Variants in MAP3K19 observed in about 807,000 individuals in gnomAD.
The protein encoded by MAP3K19 is mitogen-activated protein kinase kinase kinase 19.
A neutral mutation model predicts 114.4 loss-of-function variants in MAP3K19; 91 were observed. That is an observed-to-expected ratio of 0.80 (90% confidence interval 0.67 to 0.95). The LOEUF (loss-of-function observed/expected upper bound fraction) is 0.95. Ranked by LOEUF, MAP3K19 falls within the 40% of genes least tolerant of loss-of-function variation. The pLI is 0.00. For synonymous variants in MAP3K19, 518 were observed against 530.5 expected, an observed-to-expected ratio of 0.98 and a Z score of 0.32; for missense variants, 1,471 against 1,573.2, an observed-to-expected ratio of 0.94 and a Z score of 1.10.
chr2:134,986,446 A>G lies in MAP3K19; in HGVS notation c.2426T>C (p.Ile809Thr), dbSNP rs761136736. 30 of 1,613,962 alleles carry G rather than the reference A, an allele frequency of 1.9e-5. No individual in the cohort carries two copies. The Middle Eastern group carries it at 6.6e-4, about 35-fold the overall frequency. ...NEFPPVSDLS[I>T]VEEVSMEEST... ...CTCTTCCATAGAAACTTCTTCAACAATGGATAAATCTGAGACAGGAGGGAA... is the reference window on the plus strand; with the variant it reads ...CTCTTCCATAGAAACTTCTTCAACAGTGGATAAATCTGAGACAGGAGGGAA... The change falls in exon 10 of 13, where the codon ATT becomes ACT. Residue 809 changes from isoleucine to threonine, a missense_variant. By Grantham distance (89) the Ile-to-Thr change is moderately conservative. Transcript: ENST00000392915.
At chr2:134,994,878 C>T (rs1463950847) in intron 8 of MAP3K19, among the ~76,000 whole-genome samples, 1 of 152,066 alleles carries the variant, frequency 6.6e-6, no homozygotes, top group Non-Finnish European at 1.5e-5. Context: ...CCAATATGAA[C>T]ATACAGAGAA....
chr2:135,010,813 T>G (rs1189479926), intron 5 of MAP3K19, among the ~76,000 whole-genome samples: 1 of 152,044 alleles, frequency 6.6e-6, no homozygotes, highest in Non-Finnish European at 1.5e-5. Flanking sequence ...AATTTTTTTG[T>G]AGAGACAAAG....
intron 5 of MAP3K19, among the ~76,000 whole-genome samples, chr2:135,009,468 C>A (rs1328965870): frequency 1.3e-5 from 2 of 152,048 alleles, no homozygotes; most frequent in Non-Finnish European, 2.9e-5. Flanking sequence ...AAACACATTT[C>A]TACCATTTCA....
At chr2:135,022,294 TG>T (rs148767964) in intron 4 of MAP3K19, among the ~76,000 whole-genome samples, 1,550 of 152,310 alleles carry the variant, frequency 0.01, 24 homozygotes, top group African/African-American at 0.036. Context: ...TGTAGGGTGC[TG>T]GGACATGAGT....
chr2:135,020,094 T>A (rs957686934), intron 5 of MAP3K19, among the ~76,000 whole-genome samples: 1 of 152,154 alleles, frequency 6.6e-6, no homozygotes, highest in Non-Finnish European at 1.5e-5. Context: ...CTTGGCTCAC[T>A]GCAACCTCTG....
At chr2:135,018,366 G>A (rs1411360300) in intron 5 of MAP3K19, among the ~76,000 whole-genome samples, 1 of 151,816 alleles carries the variant, frequency 6.6e-6, no homozygotes, top group Non-Finnish European at 1.5e-5. Context: ...AAGGGATTGG[G>A]CCTCTTGTTG....
At chr2:135,022,389 G>A (rs1172417569) in intron 4 of MAP3K19, among the ~76,000 whole-genome samples, 2 of 152,296 alleles carry the variant, frequency 1.3e-5, no homozygotes, top group African/African-American at 4.8e-5. Context: ...AAGGACATCT[G>A]TCTTCCATGT....
intron 5 of MAP3K19, among the ~76,000 whole-genome samples, chr2:135,016,852 A>G (rs1336118333): frequency 6.6e-6 from 1 of 152,164 alleles, no homozygotes; most frequent in African/African-American, 2.4e-5. Context: ...ATTCTCTTGT[A>G]GCATCAGTGC....
chr2:134,983,492 G>A (rs893470284), intron 11 of MAP3K19, 184 bp downstream of exon 11: 5 of 602,708 alleles, frequency 8.3e-6, no homozygotes, highest in Admixed American at 3.0e-5. Flanking sequence ...CTTTCAGTCG[G>A]ATAAAGCAGT....
At chr2:134,972,984 G>A (rs1000938368) in intron 12 of MAP3K19, among the ~76,000 whole-genome samples, 2 of 152,088 alleles carry the variant, frequency 1.3e-5, no homozygotes, top group South Asian at 4.1e-4. Flanking sequence ...ATTCCATTGT[G>A]GCTGAAAGAA....
intron 5 of MAP3K19, among the ~76,000 whole-genome samples, chr2:135,020,336 T>C (rs145690963): frequency 7.2e-5 from 11 of 152,254 alleles, no homozygotes; most frequent in African/African-American, 2.6e-4. Flanking sequence ...TTTTAAAAAA[T>C]TGAGACAGGG....
intron 11 of MAP3K19, chr2:134,983,377 T>C (rs1344250504): frequency 6.7e-6 from 4 of 597,862 alleles, no homozygotes; most frequent in Admixed American, 5.7e-5. Flanking sequence ...TGAGTCACTA[T>C]ATGTGCCTGA....
intron 3 of MAP3K19, among the ~76,000 whole-genome samples, chr2:135,026,958 G>C (rs370258490): frequency 6.6e-6 from 1 of 152,190 alleles, no homozygotes; most frequent in Non-Finnish European, 1.5e-5. Flanking sequence ...TGATGCATGT[G>C]CATTTGGCAT....
chr2:134,964,624 T>G lies in MAP3K19; in HGVS notation c.*226A>C. The G allele has an allele frequency of 2.8e-6, 1 of 351,414 alleles. No individual in the cohort carries two copies. The highest frequency in any genetic ancestry group is 5.3e-6 in the Non-Finnish European group (1 of 190,474). The allele number at this position is 351,414 out of a possible 1,614,324, so 21.8% of individuals were successfully genotyped here. A position where few individuals can be genotyped will look rare whatever the true frequency, so the allele number is the denominator to read the frequency against. On this transcript the variant is annotated 3_prime_UTR_variant, in exon 13 of 13. Transcript: ENST00000392915. ...AAAACTGTAAACACTGAAATAGTTT[T>G]TTGTTGTTATTAAGAACATGTTTTC... is the stretch of plus-strand genomic sequence containing the variant.
At chr2:134,984,183 C>G (rs2105214974) in intron 10 of MAP3K19, among the ~76,000 whole-genome samples, 1 of 152,280 alleles carries the variant, frequency 6.6e-6, no homozygotes, top group South Asian at 2.1e-4. Context: ...TGTGCCATCT[C>G]CTCAGCCCCC....
intron 8 of MAP3K19, among the ~76,000 whole-genome samples, chr2:134,992,525 T>C (rs1685656252): frequency 6.6e-6 from 1 of 152,210 alleles, no homozygotes; most frequent in East Asian, 1.9e-4. Flanking sequence ...TTCACAGAAA[T>C]GGATGATGTG....
intron 9 of MAP3K19, among the ~76,000 whole-genome samples, chr2:134,990,567 T>C (rs1685495702): frequency 6.6e-6 from 1 of 151,784 alleles, no homozygotes; most frequent in South Asian, 2.1e-4. Context: ...ACCTCCACCT[T>C]CCAGGTTCAA....
At chr2:134,976,344 T>G (rs974029032) in intron 12 of MAP3K19, among the ~76,000 whole-genome samples, 1 of 152,206 alleles carries the variant, frequency 6.6e-6, no homozygotes, top group Non-Finnish European at 1.5e-5. Context: ...GGTTCTCCCA[T>G]GGCTAGGATT....
At position 134,969,134 on chromosome 2, in the gene MAP3K19, G is replaced by A. The variant is rs374688821; in HGVS notation, c.3921-4218C>T. On this transcript the variant is annotated intron_variant, in intron 12 of 12. Coordinates refer to ENST00000392915, the MANE Select transcript of MAP3K19 (RefSeq NM_025052.5). ...AGGCTGAGGCTGGCGGATCACTCGC[G>A]GTTAGGAGCTGGAGACCGGCCCAGC... Among the ~76,000 whole-genome samples, 195 of 152,214 alleles carry A rather than the reference G, an allele frequency of 1.3e-3. No individual in the cohort carries two copies. The East Asian group carries it at 0.023, about 18-fold the overall frequency.
Sources: allele counts gnomAD v4.1 joint callset (sites outside exome capture counted in the v4.1 genomes callset), GRCh38; gene constraint gnomAD v4.1.1; transcripts MANE v1.5; gene names NCBI Gene and HGNC (gene_info 2026-07-23, HGNC 2026-07-21).